The following CCDC170 variants were observed in gnomAD, a reference collection of about 807,000 sequenced individuals.
CCDC170 encodes coiled-coil domain-containing protein 170.
Under a neutral mutation model 72.6 loss-of-function variants are expected in CCDC170, and 69 were observed. The observed-to-expected ratio is 0.95, with a 90% confidence interval of 0.78 to 1.16. The LOEUF (loss-of-function observed/expected upper bound fraction) is 1.16, where lower values mean the gene tolerates loss of function less well. CCDC170 is among the 50% of genes most tolerant of loss of function. The pLI, the probability that CCDC170 is intolerant of heterozygous loss-of-function variation, is 0.00. For missense variants in CCDC170, 852 were observed against 832.5 expected (o/e 1.02, Z -0.29); for synonymous variants, 300 against 303.9 (o/e 0.99, Z 0.13).
chr6:151,518,862 G>A (rs1022419835), intron 1 of CCDC170, among the ~76,000 whole-genome samples: 3 of 152,132 alleles, frequency 2.0e-5, no homozygotes, highest in Non-Finnish European at 2.9e-5. Context: ...CAAACAGGGA[G>A]CAGGTCACAA....
At chr6:151,543,932 G>C (rs533304636) in intron 3 of CCDC170, among the ~76,000 whole-genome samples, 1 of 152,140 alleles carries the variant, frequency 6.6e-6, no homozygotes, top group African/African-American at 2.4e-5. Context: ...TAAACATGGG[G>C]GTTCAGACAT....
intron 3 of CCDC170, among the ~76,000 whole-genome samples, chr6:151,544,292 T>C (rs1782738863): frequency 6.6e-6 from 1 of 152,174 alleles, no homozygotes; most frequent in Non-Finnish European, 1.5e-5. Context: ...GGGTTGAGGC[T>C]AGGGGAATTC....
intron 6 of CCDC170, among the ~76,000 whole-genome samples, chr6:151,583,339 C>A (rs1483386981): frequency 6.6e-6 from 1 of 151,932 alleles, no homozygotes; most frequent in Non-Finnish European, 1.5e-5. Flanking sequence ...CTTTCTATTC[C>A]CAGCTTGGCT....
chr6:151,594,630 A>G (rs1030683629), intron 8 of CCDC170, among the ~76,000 whole-genome samples: 3 of 151,708 alleles, frequency 2.0e-5, no homozygotes, highest in African/African-American at 7.3e-5. Context: ...GTAAAATTGC[A>G]ATGGAGTGGA....
Position 151,615,537 on chromosome 6 carries a change from TG to T in CCDC170, c.1806del (p.Met602IlefsTer24), listed in dbSNP as rs1480638600. On this transcript the variant is annotated frameshift_variant, in exon 10 of 11. Coordinates refer to ENST00000239374, the MANE Select transcript of CCDC170 (RefSeq NM_025059.4). LOFTEE classifies it high-confidence loss of function. ...AAGGAGAAAGCTGAGAAAAAGCTCA[TG>T]TCTGTCAAGTCAGAACTGGATACCA... ...KMKEKAEKKL[M>X]SVKSELDTTE... 6.2e-7 allele frequency: 1 copy of T among 1,614,084 alleles called. No individual in the cohort carries two copies. The highest frequency in any genetic ancestry group is 8.5e-7 in the Non-Finnish European group (1 of 1,179,972).
At chr6:151,505,991 C>G (rs1437512367) in intron 1 of CCDC170, among the ~76,000 whole-genome samples, 5 of 152,126 alleles carry the variant, frequency 3.3e-5, no homozygotes, top group Non-Finnish European at 5.9e-5. Flanking sequence ...GTTCCAGCTA[C>G]TCAGGAGGTT....
chr6:151,598,118 C>T (rs901510155), intron 9 of CCDC170, among the ~76,000 whole-genome samples: 5 of 152,094 alleles, frequency 3.3e-5, no homozygotes, highest in Non-Finnish European at 5.9e-5. Context: ...AAGGACACAT[C>T]TGAATACAAG....
intron 1 of CCDC170, among the ~76,000 whole-genome samples, chr6:151,501,289 T>C (rs1360553202): frequency 6.6e-6 from 1 of 151,942 alleles, no homozygotes; most frequent in African/African-American, 2.4e-5. Flanking sequence ...GAAAACTAAA[T>C]GGCTTCTGGA....
intron 1 of CCDC170, among the ~76,000 whole-genome samples, chr6:151,523,162 T>A (rs1318080190): frequency 1.3e-5 from 2 of 152,130 alleles, no homozygotes; most frequent in Non-Finnish European, 2.9e-5. Flanking sequence ...GCTCTGTTGC[T>A]CTCAGGAGTT....
intron 1 of CCDC170, among the ~76,000 whole-genome samples, chr6:151,526,133 T>C (rs981475636): frequency 6.6e-6 from 1 of 150,450 alleles, no homozygotes; most frequent in African/African-American, 2.4e-5. Context: ...CCTTCCTTCC[T>C]TCCCTCCCTC....
chr6:151,568,743 C>T (rs1776174913), intron 5 of CCDC170, among the ~76,000 whole-genome samples: 1 of 152,192 alleles, frequency 6.6e-6, no homozygotes, highest in Admixed American at 6.5e-5. Context: ...GAGAATCATT[C>T]ATATTGGTAT....
intron 9 of CCDC170, among the ~76,000 whole-genome samples, chr6:151,607,966 G>A (rs113226775): frequency 1.7e-3 from 263 of 152,162 alleles, no homozygotes; most frequent in Non-Finnish European, 3.3e-3. Flanking sequence ...GTAACTTCCA[G>A]TAATGCAAAT....
At position 151,573,379 on chromosome 6, in the gene CCDC170, G is replaced by A. The variant is rs762758274; in HGVS notation, c.980G>A (p.Arg327Lys). Reference sequence around the variant, plus strand: ...TCACAAAGCCAGTACTTCTCATTTAGGGAGAAAATCGCAGCCCTCCTTAGG... The same window carrying A: ...TCACAAAGCCAGTACTTCTCATTTAAGGAGAAAATCGCAGCCCTCCTTAGG... ...TTSQSQYFSFREKIAALLRGR... is the reference protein window; with the variant it reads ...TTSQSQYFSFKEKIAALLRGR... Residue 327 changes from arginine (R) to lysine (K), a missense_variant, in exon 6 of 11, where the codon AGG (arginine) becomes AAG (lysine). By Grantham distance (26) the Arg-to-Lys change is conservative. Coordinates refer to ENST00000239374, the MANE Select transcript of CCDC170 (RefSeq NM_025059.4). 5.6e-6 allele frequency: 9 copies of A among 1,614,010 alleles called. No individual in the cohort carries two copies. The highest frequency in any genetic ancestry group is 2.5e-6 in the Non-Finnish European group (3 of 1,180,010).
In CCDC170 at chr6:151,561,982, A is replaced by C. The variant is rs137919867; in HGVS notation, c.775-11192A>C. ...TAGAAAGACTGGTTGTCAAGATCTA[A>C]AATTCTTTCTTCTGCTTAGTGTAAT... On this transcript the variant is annotated intron_variant, in intron 5 of 10. Transcript: ENST00000239374. 5.0e-3 allele frequency among the ~76,000 whole-genome samples: 759 copies of C among 152,298 alleles called. 6 individuals are homozygous for C. The highest frequency in any genetic ancestry group is 0.017 in the African/African-American group (723 of 41,580).
At chr6:151,601,642 G>T (rs1776711740) in intron 9 of CCDC170, among the ~76,000 whole-genome samples, 2 of 152,018 alleles carry the variant, frequency 1.3e-5, no homozygotes, top group Non-Finnish European at 2.9e-5. Context: ...TAAAGAATTG[G>T]CTCATGCAAT....
intron 7 of CCDC170, among the ~76,000 whole-genome samples, chr6:151,586,589 C>G (rs989100684): frequency 2.7e-5 from 4 of 150,872 alleles, no homozygotes; most frequent in Admixed American, 6.6e-5. Context: ...TGAAATCTGG[C>G]AAGTGCATAG....
At chr6:151,564,180 G>A (rs1776091220) in intron 5 of CCDC170, among the ~76,000 whole-genome samples, 1 of 152,186 alleles carries the variant, frequency 6.6e-6, no homozygotes, top group Admixed American at 6.5e-5. Flanking sequence ...ATGTTTTCCT[G>A]GAGATGCATC....
intron 6 of CCDC170, among the ~76,000 whole-genome samples, chr6:151,578,930 C>G (rs796856609): frequency 9.2e-5 from 14 of 152,218 alleles, no homozygotes; most frequent in African/African-American, 3.4e-4. Flanking sequence ...CTGGTGAAAT[C>G]AATGCATAGT....
At chr6:151,527,897 A>T (rs1374890836) in intron 1 of CCDC170, among the ~76,000 whole-genome samples, 1 of 152,014 alleles carries the variant, frequency 6.6e-6, no homozygotes, top group East Asian at 1.9e-4. Context: ...TTTTCTTCTT[A>T]TTTTTTCGTC....
Sources: allele counts gnomAD v4.1 joint callset (sites outside exome capture counted in the v4.1 genomes callset), GRCh38; gene constraint gnomAD v4.1.1; transcripts MANE v1.5; gene names NCBI Gene and HGNC (gene_info 2026-07-23, HGNC 2026-07-21).